PPP2R2B: variants seen among roughly 807,000 people sequenced by gnomAD.
The protein encoded by PPP2R2B is serine/threonine-protein phosphatase 2A 55 kDa regulatory subunit B beta isoform.
In PPP2R2B, 5 loss-of-function variants were observed where a neutral mutation model predicts 46.0. That is an observed-to-expected ratio of 0.11 (90% CI 0.06 to 0.23). The LOEUF (loss-of-function observed/expected upper bound fraction) is 0.23. PPP2R2B is among the 10% of genes least tolerant of loss of function. The pLI, the probability that PPP2R2B is intolerant of heterozygous loss-of-function variation, is 1.00. For synonymous variants in PPP2R2B, 215 were observed against 206.7 expected, an observed-to-expected ratio of 1.04 and a Z score of -0.34; for missense variants, 367 against 575.0, an observed-to-expected ratio of 0.64 and a Z score of 3.70.
chr5:147,035,644 G>A (rs1409558787), intron 1 of PPP2R2B, among the ~76,000 whole-genome samples: 1 of 152,144 alleles, frequency 6.6e-6, no homozygotes, highest in Non-Finnish European at 1.5e-5. Flanking sequence ...TACATGCAAA[G>A]TAGAAAGTCA....
intron 5 of PPP2R2B, 30 bp from the exon 6 acceptor site, chr5:146,650,754 G>T: frequency 6.3e-7 from 1 of 1,593,458 alleles, no homozygotes; most frequent in Non-Finnish European, 8.6e-7. Context: ...AATCACTTCA[G>T]AACCAAAGAT....
intron 1 of PPP2R2B, among the ~76,000 whole-genome samples, chr5:146,961,121 A>G (rs1752152768): frequency 6.6e-6 from 1 of 152,148 alleles, no homozygotes; most frequent in African/African-American, 2.4e-5. Context: ...TATACTGTAA[A>G]TATGTATTTG....
At chr5:146,860,821 G>T (rs1489980592) in intron 2 of PPP2R2B, among the ~76,000 whole-genome samples, 1 of 152,024 alleles carries the variant, frequency 6.6e-6, no homozygotes, top group East Asian at 1.9e-4. Flanking sequence ...CCAGACCGTT[G>T]CTCAGTCCCC....
intron 1 of PPP2R2B, among the ~76,000 whole-genome samples, chr5:146,974,235 A>G (rs765768195): frequency 3.9e-5 from 6 of 152,234 alleles, no homozygotes; most frequent in Non-Finnish European, 8.8e-5. Context: ...AGTTCACACT[A>G]CTACTAATGA....
At chr5:146,972,509 C>T (rs1412495852) in intron 1 of PPP2R2B, among the ~76,000 whole-genome samples, 1 of 151,906 alleles carries the variant, frequency 6.6e-6, no homozygotes, top group Non-Finnish European at 1.5e-5. Flanking sequence ...GTCAGGAGTT[C>T]GAGACCAGCC....
rs1366239643 is a variant in PPP2R2B at position 146,589,280 on chromosome 5, A to T, written c.*667T>A. 1 of 152,344 alleles carries T rather than the reference A, an allele frequency of 6.6e-6. No individual in the cohort carries two copies. The highest frequency in any genetic ancestry group is 2.1e-4 in the South Asian group (1 of 4,834). The allele number at this position is 152,344 out of a possible 1,614,324, so 9.4% of individuals were successfully genotyped here. A position where few individuals can be genotyped will look rare whatever the true frequency, so the allele number is the denominator to read the frequency against. The stretch of plus-strand genomic sequence containing the variant: ...CTCTTTCTGTCCCCTGAAGCATTCA[A>T]GTTCCCTAGCCAAATTCTCAGGCTG... On this transcript the variant is annotated 3_prime_UTR_variant, in exon 10 of 10. Coordinates refer to ENST00000394411, the MANE Select transcript of PPP2R2B (RefSeq NM_181675.4).
At chr5:146,979,834 T>G (rs1753084573) in intron 1 of PPP2R2B, among the ~76,000 whole-genome samples, 1 of 152,206 alleles carries the variant, frequency 6.6e-6, no homozygotes, top group Admixed American at 6.5e-5. Flanking sequence ...GAATGTGATC[T>G]CTGTCTCTCA....
rs566312346 is a variant in PPP2R2B at position 146,705,392 on chromosome 5, T to A, written c.71-4250A>T. 1.1e-4 allele frequency among the ~76,000 whole-genome samples: 17 copies of A among 152,208 alleles called. No homozygotes were observed. In the South Asian group the frequency reaches 3.1e-3, roughly 28 times the overall value. ...AGTTACCAGGTTTGTGTTGAGAAGG[T>A]TTTGCGGGGTCACTTCTAGGCTGGG... On this transcript the variant is annotated intron_variant, in intron 2 of 9. Coordinates refer to ENST00000394411, the MANE Select transcript of PPP2R2B (RefSeq NM_181675.4).
chr5:146,878,208 C>T lies in PPP2R2B; in HGVS notation c.-124-13G>A. The T allele has an allele frequency of 6.4e-7, 1 of 1,557,796 alleles. No homozygotes were observed. The highest frequency in any genetic ancestry group is 8.7e-7 in the Non-Finnish European group (1 of 1,151,714). On this transcript the variant is annotated splice_polypyrimidine_tract_variant and intron_variant, in intron 1 of 9. Transcript: ENST00000394411. The surrounding 1 kb of genome is among the most constrained non-coding windows in gnomAD (Gnocchi z 4.5). ...CCATGGTCCGAGCCTGAGGAGGAGA[C>T]GGGGAGGCGGAGAGAAAAAAAATAA...
chr5:146,673,749 A>G (rs1196997461), intron 5 of PPP2R2B, among the ~76,000 whole-genome samples: 1 of 152,226 alleles, frequency 6.6e-6, no homozygotes, highest in Non-Finnish European at 1.5e-5. Context: ...ACTCCTGAGC[A>G]TGTAACCTTT....
chr5:146,687,502 C>A (rs748119196), intron 5 of PPP2R2B, among the ~76,000 whole-genome samples: 1 of 151,952 alleles, frequency 6.6e-6, no homozygotes, highest in African/African-American at 2.4e-5. Flanking sequence ...GCTAGATACC[C>A]GCATTTTCAC....
At chr5:146,590,284 A>AAAT (rs1204656037) in intron 9 of PPP2R2B, 58 bp from the exon 10 acceptor site, 26 of 1,485,852 alleles carry the variant, frequency 1.7e-5, no homozygotes, top group Non-Finnish European at 2.1e-5. Flanking sequence ...TTTTTGGAGC[A>AAAT]AATGATACCA....
At chr5:146,868,038 T>C (rs1011031605) in intron 2 of PPP2R2B, among the ~76,000 whole-genome samples, 3 of 152,210 alleles carry the variant, frequency 2.0e-5, no homozygotes, top group African/African-American at 7.2e-5. Flanking sequence ...CTTAACCTCA[T>C]TGATTGGCAC....
At chr5:146,604,034 C>T (rs1018960388) in intron 7 of PPP2R2B, among the ~76,000 whole-genome samples, 9 of 152,092 alleles carry the variant, frequency 5.9e-5, no homozygotes, top group Non-Finnish European at 1.2e-4. Flanking sequence ...AAAAGTATTT[C>T]GATACGTGCC....
intron 1 of PPP2R2B, among the ~76,000 whole-genome samples, chr5:146,973,596 T>C (rs1374513131): frequency 6.6e-6 from 1 of 152,216 alleles, no homozygotes; most frequent in Admixed American, 6.5e-5. Context: ...AAGAATTCCA[T>C]GGCTTGTAAT....
At chr5:146,876,194 A>G (rs888581861) in intron 2 of PPP2R2B, among the ~76,000 whole-genome samples, 6 of 152,196 alleles carry the variant, frequency 3.9e-5, no homozygotes, top group African/African-American at 1.4e-4. Context: ...GACTATGTGA[A>G]CCTAGATATT....
At chr5:146,836,274 C>T (rs1467927961) in intron 2 of PPP2R2B, among the ~76,000 whole-genome samples, 1 of 152,150 alleles carries the variant, frequency 6.6e-6, no homozygotes, top group Non-Finnish European at 1.5e-5. Context: ...ACACATATAT[C>T]CCCCACCTAC....
At chr5:146,684,141 A>C (rs558560278) in intron 5 of PPP2R2B, among the ~76,000 whole-genome samples, 1 of 152,330 alleles carries the variant, frequency 6.6e-6, no homozygotes, top group East Asian at 1.9e-4. Context: ...TATATGCAAC[A>C]AATGTAAGGA....
At chr5:146,996,770 C>T (rs1436735977) in intron 1 of PPP2R2B, among the ~76,000 whole-genome samples, 8 of 152,028 alleles carry the variant, frequency 5.3e-5, no homozygotes, top group African/African-American at 1.9e-4. Flanking sequence ...CAATATGGGG[C>T]CCAGTGGATG....
Sources: allele counts gnomAD v4.1 joint callset (sites outside exome capture counted in the v4.1 genomes callset), GRCh38; gene constraint gnomAD v4.1.1; non-coding constraint Gnocchi (gnomAD v3.1); transcripts MANE v1.5; gene names NCBI Gene and HGNC (gene_info 2026-07-23, HGNC 2026-07-21).